NF1: variants seen among roughly 807,000 people sequenced by gnomAD.
NF1 encodes the protein neurofibromin.
Under a neutral mutation model 325.7 loss-of-function variants are expected in NF1, and 122 were observed. The ratio of observed to expected loss-of-function variants is 0.37; its 90% CI spans 0.32 to 0.44. NF1 has a LOEUF of 0.44. NF1 is among the 20% of genes least tolerant of loss of function. The pLI is 1.00. For missense variants in NF1, 2,140 were observed against 3,415.4 expected, an observed-to-expected ratio of 0.63 and a Z score of 9.31; for synonymous variants, 1,091 against 1,186.0, an observed-to-expected ratio of 0.92 and a Z score of 1.65.
chr17:31,222,247 T>A, intron 15 of NF1: 2 of 1,072,028 alleles, frequency 1.9e-6, no homozygotes, highest in Non-Finnish European at 2.3e-6. Flanking sequence ...TTCATAGTTA[T>A]AAGCCTAGAA....
At position 31,376,854 on chromosome 17, in the gene NF1, G is replaced by T. The variant is rs1230880444; in HGVS notation, c.*2699G>T. 2.6e-5 allele frequency: 6 copies of T among 233,122 alleles called. No homozygotes were observed. Among genetic ancestry groups the T allele is most frequent in the Non-Finnish European group, 5.1e-5 (6 of 118,048 alleles). The allele number at this position is 233,122 out of a possible 1,614,324, so 14.4% of individuals were successfully genotyped here. ...GGGCATGCCCTTAGTTGCCCAGATG[G>T]AGATGCAGTTCAGTAGATTTGGGGC... On this transcript the variant is annotated 3_prime_UTR_variant, in exon 58 of 58. Coordinates refer to ENST00000358273, the MANE Select transcript of NF1 (RefSeq NM_001042492.3).
chr17:31,163,783 A>G (rs1260280904), intron 4 of NF1, among the ~76,000 whole-genome samples: 1 of 152,180 alleles, frequency 6.6e-6, no homozygotes, highest in Non-Finnish European at 1.5e-5. Context: ...ATCCCTTTAA[A>G]TGAAACTACC....
In NF1 at chr17:31,299,067, A is replaced by G. The variant is rs16972171; in HGVS notation, c.4836-26753A>G. ...AAATTCCAGTGCAATAGTAGTGGCA[A>G]TGTTTCTCATTTCAAGTTTGGGACA... On this transcript the variant is annotated intron_variant, in intron 36 of 57. Transcript: ENST00000358273. 7.9e-3 allele frequency among the ~76,000 whole-genome samples: 1,198 copies of G among 152,164 alleles called. 20 individuals are homozygous for G. The highest frequency in any genetic ancestry group is 0.028 in the African/African-American group (1,144 of 41,566).
intron 36 of NF1, among the ~76,000 whole-genome samples, chr17:31,322,501 C>A (rs1336347112): frequency 2.2e-5 from 1 of 44,744 alleles, no homozygotes; most frequent in Non-Finnish European, 3.9e-5. Flanking sequence ...GACTCTGTCT[C>A]AAAAAAAAAA....
intron 4 of NF1, among the ~76,000 whole-genome samples, chr17:31,166,892 A>G (rs1273569558): frequency 1.3e-5 from 2 of 152,104 alleles, no homozygotes; most frequent in South Asian, 2.1e-4. Context: ...TGGGTCATGT[A>G]CTTGTGCACT....
chr17:31,304,176 A>G (rs374036165), intron 36 of NF1: 58 of 1,299,934 alleles, frequency 4.5e-5, no homozygotes, highest in Non-Finnish European at 5.5e-5. Flanking sequence ...AAAATTGACT[A>G]TCAGTTGCCA....
intron 36 of NF1, among the ~76,000 whole-genome samples, chr17:31,285,993 T>G (rs2068219946): frequency 6.6e-6 from 1 of 152,218 alleles, no homozygotes; most frequent in South Asian, 2.1e-4. Flanking sequence ...CATTTATGTT[T>G]AAATTTAAAA....
chr17:31,313,991 C>T (rs2068958511), intron 36 of NF1: 2 of 397,950 alleles, frequency 5.0e-6, no homozygotes, highest in Admixed American at 4.4e-5. Flanking sequence ...CAGCTGTTAA[C>T]TTCTTTTGCA....
chr17:31,349,026 C>A (rs2151572092), intron 48 of NF1, 94 bp from the exon 49 acceptor site: 1 of 1,466,044 alleles, frequency 6.8e-7, no homozygotes, highest in Non-Finnish European at 9.2e-7. Context: ...CCTTTCCTTG[C>A]AGAGTTGTTA....
chr17:31,247,718 G>T (rs530594361), intron 29 of NF1, among the ~76,000 whole-genome samples: 4 of 152,182 alleles, frequency 2.6e-5, no homozygotes, highest in African/African-American at 9.6e-5. Context: ...TCATTGCAAT[G>T]GTGTTTGTAA....
At chr17:31,260,570 A>C (rs17883567) in intron 34 of NF1, 55 bp downstream of exon 34, 5 of 1,587,722 alleles carry the variant, frequency 3.1e-6, no homozygotes, top group Non-Finnish European at 4.3e-6. Context: ...ATTTAGATTA[A>C]TACAATTATT....
At chr17:31,202,633 C>T (rs926876213) in intron 11 of NF1, among the ~76,000 whole-genome samples, 8 of 152,150 alleles carry the variant, frequency 5.3e-5, no homozygotes, top group Non-Finnish European at 1.5e-5. Flanking sequence ...TGCATCTCCC[C>T]ATCCCTAGTC....
At position 31,096,054 on chromosome 17, in the gene NF1, CT is replaced by C. The variant is rs374680806; in HGVS notation, c.60+695del. Reference sequence around the variant, plus strand: ...CCCATATCCTGATGACACAGACTGCCTTTTTTTTTTATTGCCGTTTGCAGTG... The same window carrying C: ...CCCATATCCTGATGACACAGACTGCCTTTTTTTTTATTGCCGTTTGCAGTG... On this transcript the variant is annotated intron_variant, in intron 1 of 57. Coordinates refer to ENST00000358273, the MANE Select transcript of NF1 (RefSeq NM_001042492.3). Among the ~76,000 whole-genome samples the C allele has an allele frequency of 3.8e-3, 565 of 147,554 alleles. 3 individuals carry two copies. The highest frequency in any genetic ancestry group is 0.011 in the African/African-American group (452 of 40,300).
intron 36 of NF1, among the ~76,000 whole-genome samples, chr17:31,291,027 A>G (rs553804985): frequency 5.3e-5 from 8 of 152,082 alleles, no homozygotes; most frequent in African/African-American, 1.9e-4. Context: ...TAAATAAATA[A>G]ATAAATAAAT....
intron 36 of NF1, chr17:31,296,938 T>C (rs896972603): frequency 1.3e-5 from 2 of 153,224 alleles, no homozygotes; most frequent in African/African-American, 4.8e-5. Context: ...AAGTGATTTT[T>C]TTCTGTATAT....
chr17:31,130,061 C>A, intron 1 of NF1, among the ~76,000 whole-genome samples: 2 of 140,144 alleles, frequency 1.4e-5, no homozygotes, highest in East Asian at 2.1e-4. Context: ...TTCCTTCAGT[C>A]TTTGAAGTCG....
chr17:31,357,400 T>C, intron 54 of NF1, 31 bp downstream of exon 54: 1 of 1,539,166 alleles, frequency 6.5e-7, no homozygotes, highest in Admixed American at 1.7e-5. Flanking sequence ...TTAATTCACC[T>C]TCGTGCCTGT....
intron 29 of NF1, among the ~76,000 whole-genome samples, chr17:31,241,539 A>G (rs1016180528): frequency 3.3e-5 from 5 of 152,160 alleles, no homozygotes; most frequent in Non-Finnish European, 7.4e-5. Context: ...TGAGGTTACC[A>G]TGAGGCTTGC....
chr17:31,260,268 A>C, intron 33 of NF1, 101 bp from the exon 34 acceptor site: 1 of 1,213,254 alleles, frequency 8.2e-7, no homozygotes, highest in Non-Finnish European at 1.2e-6. Context: ...CCATATTTGT[A>C]ATCTTAGTTA....
Sources: allele counts gnomAD v4.1 joint callset (sites outside exome capture counted in the v4.1 genomes callset), GRCh38; gene constraint gnomAD v4.1.1; transcripts MANE v1.5; gene names NCBI Gene and HGNC (gene_info 2026-07-23, HGNC 2026-07-21).